Variants in METTL25 observed in about 807,000 individuals in gnomAD.
The protein encoded by METTL25 is methyltransferase like 25.
In METTL25, 64 loss-of-function variants were observed where a neutral mutation model predicts 71.6. The observed-to-expected ratio is 0.89, with a 90% CI of 0.73 to 1.10. METTL25 has a LOEUF of 1.10. Ranked by LOEUF, METTL25 falls within the 50% of genes least tolerant of loss-of-function variation. The probability of loss-of-function intolerance (pLI) is 0.00; values close to 1 mark genes in which losing one functional copy is unlikely to be tolerated. For synonymous variants in METTL25, 287 were observed against 250.3 expected (o/e 1.15, Z -1.38); for missense variants, 807 against 707.0 (o/e 1.14, Z -1.60).
intron 8 of METTL25, 74 bp downstream of exon 8, chr12:82,438,865 T>A: frequency 7.4e-7 from 1 of 1,359,600 alleles, no homozygotes; most frequent in Non-Finnish European, 9.7e-7. Context: ...TTCAGGTGAA[T>A]TTATGCAGGG....
intron 9 of METTL25, among the ~76,000 whole-genome samples, chr12:82,471,657 A>G (rs940143472): frequency 5.3e-5 from 8 of 152,328 alleles, no homozygotes; most frequent in South Asian, 4.1e-4. Context: ...TTTCCATACC[A>G]ACTATGTCAT....
intron 1 of METTL25, among the ~76,000 whole-genome samples, chr12:82,361,203 C>T (rs1881822938): frequency 6.6e-6 from 1 of 152,130 alleles, no homozygotes; most frequent in Admixed American, 6.5e-5. Context: ...TCTCCTAGTC[C>T]CCACTAGATC....
chr12:82,475,349 A>G (rs575890157), intron 9 of METTL25, among the ~76,000 whole-genome samples: 2 of 152,294 alleles, frequency 1.3e-5, no homozygotes, highest in African/African-American at 2.4e-5. Flanking sequence ...AAAAATGGCA[A>G]ACTTTTAAAA....
chr12:82,449,814 A>G (rs1042316050), intron 8 of METTL25, among the ~76,000 whole-genome samples: 2 of 55,210 alleles, frequency 3.6e-5, no homozygotes, highest in African/African-American at 9.7e-5. Context: ...TCTGCACCCA[A>G]TTTTCCCCTC....
intron 1 of METTL25, among the ~76,000 whole-genome samples, chr12:82,386,191 G>A (rs962510512): frequency 3.9e-5 from 6 of 152,068 alleles, no homozygotes; most frequent in Non-Finnish European, 7.4e-5. Flanking sequence ...CATTGAGCAC[G>A]TGCACCCCGC....
chr12:82,451,883 A>G lies in METTL25; in HGVS notation c.1479-4844A>G, dbSNP rs555093263. On this transcript the variant is annotated intron_variant, in intron 8 of 11. Transcript: ENST00000248306. ...TAAATGTTAATATTTTCTTTTAACT[A>G]CAGTAAACAGTTTATCTTAGGAACA... Among the ~76,000 whole-genome samples the G allele has an allele frequency of 4.0e-4, 61 of 152,224 alleles. 2 individuals carry two copies. The South Asian group carries it at 0.012, about 31-fold the overall frequency.
chr12:82,440,852 G>A (rs926202045), intron 8 of METTL25, among the ~76,000 whole-genome samples: 2 of 152,048 alleles, frequency 1.3e-5, no homozygotes, highest in Non-Finnish European at 2.9e-5. Context: ...ACCTATTGAA[G>A]TAGGTAAGAA....
chr12:82,359,392 G>T (rs536943692), intron 1 of METTL25, among the ~76,000 whole-genome samples: 1 of 152,164 alleles, frequency 6.6e-6, no homozygotes, highest in Non-Finnish European at 1.5e-5. Flanking sequence ...TGCAGGACGG[G>T]AGGCAAGCAG....
intron 5 of METTL25, among the ~76,000 whole-genome samples, chr12:82,411,198 A>C (rs868457099): frequency 3.9e-5 from 6 of 152,116 alleles, no homozygotes; most frequent in Middle Eastern, 3.4e-3. Flanking sequence ...GTACCATGGC[A>C]AACTTGAGCT....
chr12:82,433,599 G>A (rs1211825512), intron 6 of METTL25, among the ~76,000 whole-genome samples: 1 of 151,534 alleles, frequency 6.6e-6, no homozygotes, highest in African/African-American at 2.4e-5. Context: ...TCAAATAACA[G>A]GTTTTTAGTT....
intron 7 of METTL25, among the ~76,000 whole-genome samples, chr12:82,435,920 T>G (rs776276225): frequency 2.6e-5 from 4 of 151,396 alleles, no homozygotes; most frequent in Non-Finnish European, 4.4e-5. Context: ...AAATACATAG[T>G]ACTATATAGT....
At chr12:82,475,956 T>G (rs1297598349) in intron 9 of METTL25, among the ~76,000 whole-genome samples, 1 of 152,100 alleles carries the variant, frequency 6.6e-6, no homozygotes, top group Non-Finnish European at 1.5e-5. Context: ...TTTCAGATTT[T>G]GGAGCATTTC....
chr12:82,442,289 G>T (rs1890409687), intron 8 of METTL25, among the ~76,000 whole-genome samples: 1 of 152,128 alleles, frequency 6.6e-6, no homozygotes, highest in Non-Finnish European at 1.5e-5. Context: ...AGAAATGTTT[G>T]TAGCAGCTTT....
At position 82,361,186 on chromosome 12, in the gene METTL25, T is replaced by G. The variant is rs576141465; in HGVS notation, c.259+2362T>G. Reference sequence around the variant, plus strand: ...GCATTTACAATCCCTGAGCTAGACATGAAAGTTCTCCTAGTCCCCACTAGA... The same window carrying G: ...GCATTTACAATCCCTGAGCTAGACAGGAAAGTTCTCCTAGTCCCCACTAGA... On this transcript the variant is annotated intron_variant, in intron 1 of 11. Transcript: ENST00000248306. Among the ~76,000 whole-genome samples, 101 of 152,244 alleles carry G rather than the reference T, an allele frequency of 6.6e-4. 1 individual carries two copies. The highest frequency in any genetic ancestry group is 4.1e-3 in the South Asian group (20 of 4,822).
At chr12:82,394,276 T>C (rs956795272) in intron 3 of METTL25, among the ~76,000 whole-genome samples, 2 of 152,024 alleles carry the variant, frequency 1.3e-5, no homozygotes, top group African/African-American at 4.8e-5. Flanking sequence ...TGTCCAATAC[T>C]GAATGGGACT....
chr12:82,444,922 C>G (rs1031263736), intron 8 of METTL25, among the ~76,000 whole-genome samples: 4 of 152,082 alleles, frequency 2.6e-5, no homozygotes, highest in African/African-American at 9.7e-5. Context: ...TTGCTATATA[C>G]AGTTACCCTG....
chr12:82,443,776 G>A (rs1465455146), intron 8 of METTL25, among the ~76,000 whole-genome samples: 1 of 151,600 alleles, frequency 6.6e-6, no homozygotes, highest in Non-Finnish European at 1.5e-5. Flanking sequence ...AGGTGCCAAG[G>A]CTCTTTTTAA....
In METTL25 at chr12:82,406,752, CT is replaced by C. The variant is rs1451946670; in HGVS notation, c.1279+3623del. Among the ~76,000 whole-genome samples, 4 of 152,180 alleles carry C rather than the reference CT, an allele frequency of 2.6e-5. No individual in the cohort carries two copies. In the East Asian group the frequency reaches 7.8e-4, roughly 29 times the overall value. On this transcript the variant is annotated intron_variant, in intron 5 of 11. Coordinates refer to ENST00000248306, the MANE Select transcript of METTL25 (RefSeq NM_032230.3). ...ATTGCTATAAGACAGGGTATTACAT[CT>C]GTTATCTTACAGCAGAGTAGCATGT...
intron 1 of METTL25, among the ~76,000 whole-genome samples, chr12:82,363,751 G>C (rs1029763035): frequency 7.1e-6 from 1 of 140,092 alleles, no homozygotes; most frequent in Admixed American, 7.1e-5. Flanking sequence ...AAAAAGGAAA[G>C]TGTGACTCTA....
Sources: allele counts gnomAD v4.1 joint callset (sites outside exome capture counted in the v4.1 genomes callset), GRCh38; gene constraint gnomAD v4.1.1; transcripts MANE v1.5; gene names NCBI Gene and HGNC (gene_info 2026-07-23, HGNC 2026-07-21).